Variants in ESRRG observed in about 807,000 individuals in gnomAD.
ESRRG encodes the protein estrogen related receptor gamma, also known as estrogen-related receptor gamma.
ESRRG carries 13 observed loss-of-function variants against 44.0 expected under a neutral mutation model. The observed-to-expected ratio is 0.30, with a 90% CI of 0.19 to 0.47. The LOEUF is 0.47. Ranked by LOEUF, ESRRG falls within the 20% of genes least tolerant of loss-of-function variation. The probability of loss-of-function intolerance (pLI) is 1.00; values close to 1 mark genes in which losing one functional copy is unlikely to be tolerated. For synonymous variants in ESRRG, 215 were observed against 214.6 expected, an observed-to-expected ratio of 1.00 and a Z score of -0.02; for missense variants, 395 against 580.6, an observed-to-expected ratio of 0.68 and a Z score of 3.29.
chr1:217,028,527 A>C (rs2081551483), intron 1 of ESRRG, among the ~76,000 whole-genome samples: 1 of 152,202 alleles, frequency 6.6e-6, no homozygotes, highest in African/African-American at 2.4e-5. Context: ...CCTAGTGAAA[A>C]TAATTTCTCC....
intron 1 of ESRRG, among the ~76,000 whole-genome samples, chr1:217,080,937 A>G (rs2091713913): frequency 6.6e-6 from 1 of 151,972 alleles, no homozygotes. Context: ...TCGGCCTGCC[A>G]AAGTGTTGGG....
In ESRRG at chr1:216,576,913, C is replaced by G. The variant is rs1188317287; in HGVS notation, c.590-8815G>C. On this transcript the variant is annotated intron_variant, in intron 3 of 6. Transcript: ENST00000408911. Reference sequence around the variant, plus strand: ...ATGGAAATAAATGAGTCTGGCAAGACAGCCCTGAGCCTTACAATACCCAAT... The same window carrying G: ...ATGGAAATAAATGAGTCTGGCAAGAGAGCCCTGAGCCTTACAATACCCAAT... Among the ~76,000 whole-genome samples, 3 of 151,982 alleles carry G rather than the reference C, an allele frequency of 2.0e-5. No homozygotes were observed. In the East Asian group the frequency reaches 5.8e-4, roughly 29 times the overall value.
intron 2 of ESRRG, among the ~76,000 whole-genome samples, chr1:216,859,157 A>G (rs1045328737): frequency 6.6e-6 from 1 of 152,214 alleles, no homozygotes; most frequent in Non-Finnish European, 1.5e-5. Context: ...GACCAGACTT[A>G]CCCTACCATC....
chr1:216,561,134 T>G (rs1035001238), intron 5 of ESRRG, among the ~76,000 whole-genome samples: 5 of 152,180 alleles, frequency 3.3e-5, no homozygotes, highest in African/African-American at 1.2e-4. Context: ...TTCTATTTAC[T>G]GATAAAAAAA....
chr1:216,975,915 A>C (rs1339670579), intron 1 of ESRRG, among the ~76,000 whole-genome samples: 1 of 152,222 alleles, frequency 6.6e-6, no homozygotes, highest in Non-Finnish European at 1.5e-5. Context: ...TTCTTATCCC[A>C]CAAAGCTCAG....
intron 1 of ESRRG, among the ~76,000 whole-genome samples, chr1:216,981,003 T>C (rs1040034690): frequency 6.6e-6 from 1 of 152,158 alleles, no homozygotes; most frequent in Non-Finnish European, 1.5e-5. Flanking sequence ...CCTATTTGCA[T>C]CCTTTTCTGA....
intron 1 of ESRRG, among the ~76,000 whole-genome samples, chr1:217,021,817 C>T (rs767386881): frequency 1.1e-4 from 16 of 152,148 alleles, no homozygotes; most frequent in Non-Finnish European, 2.1e-4. Context: ...CAATATTGTT[C>T]CTTCGACATC....
At chr1:216,899,663 G>A (rs1206210853) in intron 2 of ESRRG, among the ~76,000 whole-genome samples, 2 of 152,196 alleles carry the variant, frequency 1.3e-5, no homozygotes, top group African/African-American at 2.4e-5. Context: ...TTGCAGCCTT[G>A]TTTCCCATCT....
intron 2 of ESRRG, among the ~76,000 whole-genome samples, chr1:216,748,464 A>G (rs1028351874): frequency 2.6e-5 from 4 of 152,100 alleles, no homozygotes; most frequent in Non-Finnish European, 5.9e-5. Flanking sequence ...CCCTTTTACT[A>G]TCAGTACCAA....
At chr1:216,754,182 T>G (rs1024867996) in intron 2 of ESRRG, among the ~76,000 whole-genome samples, 1 of 151,986 alleles carries the variant, frequency 6.6e-6, no homozygotes, top group Non-Finnish European at 1.5e-5. Flanking sequence ...TTCCAAATAT[T>G]CTGAAATATA....
intron 2 of ESRRG, among the ~76,000 whole-genome samples, chr1:216,812,163 GA>G (rs1188758928): frequency 2.0e-5 from 3 of 152,096 alleles, no homozygotes; most frequent in Non-Finnish European, 4.4e-5. Flanking sequence ...GATACCAAAA[GA>G]AACAATTACG....
chr1:217,059,950 A>G (rs949260520), intron 1 of ESRRG, among the ~76,000 whole-genome samples: 4 of 152,106 alleles, frequency 2.6e-5, no homozygotes, highest in Non-Finnish European at 4.4e-5. Flanking sequence ...ACACTGGGTG[A>G]CAAATGTATT....
chr1:216,643,154 T>C (rs1157731062), intron 3 of ESRRG, among the ~76,000 whole-genome samples: 1 of 152,196 alleles, frequency 6.6e-6, no homozygotes, highest in Non-Finnish European at 1.5e-5. Flanking sequence ...AATTTTTCTT[T>C]ATATCCTGGA....
At chr1:217,039,078 AT>A (rs2083398170) in intron 1 of ESRRG, among the ~76,000 whole-genome samples, 1 of 152,222 alleles carries the variant, frequency 6.6e-6, no homozygotes, top group Non-Finnish European at 1.5e-5. Context: ...TCCAGTTCGC[AT>A]TGAGTTCCTC....
intron 2 of ESRRG, among the ~76,000 whole-genome samples, chr1:216,660,179 A>C (rs1412763186): frequency 1.3e-5 from 2 of 152,200 alleles, no homozygotes; most frequent in African/African-American, 4.8e-5. Flanking sequence ...GTAAGGACTT[A>C]TCTATTATCA....
At chr1:217,022,455 C>A (rs2080479953) in intron 1 of ESRRG, among the ~76,000 whole-genome samples, 1 of 152,180 alleles carries the variant, frequency 6.6e-6, no homozygotes, top group South Asian at 2.1e-4. Flanking sequence ...AACGGCAAGT[C>A]GCTCATTTGC....
At chr1:216,931,017 T>G (rs950357968) in intron 2 of ESRRG, among the ~76,000 whole-genome samples, 3 of 152,202 alleles carry the variant, frequency 2.0e-5, no homozygotes, top group Admixed American at 1.3e-4. Flanking sequence ...ACTCATGTGA[T>G]TTTTGTAAGG....
At chr1:217,074,454 A>C (rs12754263) in intron 1 of ESRRG, among the ~76,000 whole-genome samples, 9,256 of 149,232 alleles carry the variant, frequency 0.062, 414 homozygotes, top group African/African-American at 0.11. Context: ...ACCCCCCCCA[A>C]AAAAAAAAAA....
At chr1:216,577,299 T>G (rs2061859651) in intron 3 of ESRRG, among the ~76,000 whole-genome samples, 1 of 151,996 alleles carries the variant, frequency 6.6e-6, no homozygotes, top group Non-Finnish European at 1.5e-5. Context: ...TTTCCTAAAC[T>G]ATTGAAAAAA....
Sources: allele counts gnomAD v4.1 joint callset (sites outside exome capture counted in the v4.1 genomes callset), GRCh38; gene constraint gnomAD v4.1.1; transcripts MANE v1.5; gene names NCBI Gene and HGNC (gene_info 2026-07-23, HGNC 2026-07-21).